The following GTF3C5 variants were observed in gnomAD, a reference collection of about 807,000 sequenced individuals.
GTF3C5 encodes general transcription factor 3C polypeptide 5.
In GTF3C5, 47 loss-of-function variants were observed where a neutral mutation model predicts 61.0. That is an observed-to-expected ratio of 0.77 (90% CI 0.61 to 0.98). The LOEUF is 0.98. GTF3C5 is among the 50% of genes least tolerant of loss of function. GTF3C5 has a pLI of 0.00. For synonymous variants in GTF3C5, 295 were observed against 275.4 expected (o/e 1.07, Z -0.71); for missense variants, 659 against 703.3 (o/e 0.94, Z 0.71).
rs779172567 is a variant in GTF3C5, at chr9:133,056,850, C to T, written c.1335C>T (p.Asp445=). The T allele has an allele frequency of 2.2e-5, 36 of 1,611,988 alleles. No homozygotes were observed. The highest frequency in any genetic ancestry group is 1.1e-4 in the East Asian group (5 of 44,734). Residue 445 remains aspartate (D), a synonymous_variant, in exon 10 of 11, where the codon GAC becomes GAT. Coordinates refer to ENST00000372097, the MANE Select transcript of GTF3C5 (RefSeq NM_012087.4). ...GGTGGTGCCTCCCCAAGACCAGCGA[C>T]GAGCTCAGGGACACCATGTCCCTCA... is the stretch of plus-strand genomic sequence containing the variant. The part of the protein sequence containing the change: ...RDGWCLPKTS[D]ELRDTMSLMI...
chr9:133,048,988 G>A (rs1444938971), intron 3 of GTF3C5, among the ~76,000 whole-genome samples: 1 of 152,216 alleles, frequency 6.6e-6, no homozygotes, highest in Non-Finnish European at 1.5e-5. Flanking sequence ...CCTTCCTGGG[G>A]AGATTGAGCT....
chr9:133,038,543 C>T (rs1316606108), intron 1 of GTF3C5, among the ~76,000 whole-genome samples: 6 of 150,982 alleles, frequency 4.0e-5, no homozygotes, highest in Non-Finnish European at 5.9e-5. Flanking sequence ...CTCCGCCTCC[C>T]GGGTTCAAGC....
At chr9:133,053,787 C>A (rs1829832972) in intron 5 of GTF3C5, 41 bp from the exon 6 acceptor site, 1 of 1,118,168 alleles carries the variant, frequency 8.9e-7, no homozygotes, top group Non-Finnish European at 1.4e-6. Context: ...GGGACCTGGG[C>A]CTTCACCTCA....
At chr9:133,044,025 A>G in intron 3 of GTF3C5, 99 bp downstream of exon 3, 3 of 840,670 alleles carry the variant, frequency 3.6e-6, no homozygotes, top group Admixed American at 4.5e-5. Flanking sequence ...CACACCTGTA[A>G]TTCCAGCTAC....
At position 133,032,043 on chromosome 9, in the gene GTF3C5, C is replaced by T. The variant is rs116989703; in HGVS notation, c.153+879C>T. ...GACATATTGGTTCTTTGAAATGGAA[C>T]TCATAACTCATTGTATTTATTAATT... On this transcript the variant is annotated intron_variant, in intron 1 of 10. Transcript: ENST00000372097. Among the ~76,000 whole-genome samples, 275 of 152,252 alleles carry T rather than the reference C, an allele frequency of 1.8e-3. 2 individuals carry two copies. In the East Asian group the frequency reaches 0.02, roughly 11 times the overall value.
chr9:133,034,394 A>G (rs1286314057), intron 1 of GTF3C5, among the ~76,000 whole-genome samples: 1 of 152,174 alleles, frequency 6.6e-6, no homozygotes, highest in African/African-American at 2.4e-5. Context: ...TGCACGGGGT[A>G]AGAACAAGTG....
At chr9:133,033,740 C>T (rs1849792480) in intron 1 of GTF3C5, among the ~76,000 whole-genome samples, 1 of 152,182 alleles carries the variant, frequency 6.6e-6, no homozygotes, top group South Asian at 2.1e-4. Flanking sequence ...TTCTGGTCTA[C>T]TGTGTGCACA....
chr9:133,051,267 C>A (rs1850364755), intron 4 of GTF3C5, among the ~76,000 whole-genome samples: 1 of 152,266 alleles, frequency 6.6e-6, no homozygotes, highest in Non-Finnish European at 1.5e-5. Flanking sequence ...AGCTCTTATT[C>A]TTCCATTCAC....
chr9:133,047,233 G>A (rs1247831120), intron 3 of GTF3C5, among the ~76,000 whole-genome samples: 2 of 151,970 alleles, frequency 1.3e-5, no homozygotes, highest in Admixed American at 6.5e-5. Flanking sequence ...ACTTTTTCCC[G>A]ATTGTCTCAA....
At chr9:133,037,433 G>T (rs1374326171) in intron 1 of GTF3C5, among the ~76,000 whole-genome samples, 2 of 152,142 alleles carry the variant, frequency 1.3e-5, no homozygotes, top group South Asian at 4.1e-4. Flanking sequence ...CTCAATGATA[G>T]GTTTTAGGCC....
chr9:133,034,000 C>T (rs957687687), intron 1 of GTF3C5, among the ~76,000 whole-genome samples: 10 of 151,984 alleles, frequency 6.6e-5, no homozygotes, highest in Admixed American at 5.9e-4. Context: ...TTTTAACCGC[C>T]GATGGTCCAG....
chr9:133,032,386 A>G (rs1209552692), intron 1 of GTF3C5, among the ~76,000 whole-genome samples: 1 of 152,164 alleles, frequency 6.6e-6, no homozygotes, highest in Non-Finnish European at 1.5e-5. Context: ...TTCGGTGGGA[A>G]GACTAGTTTC....
At chr9:133,037,728 C>T (rs1370591751) in intron 1 of GTF3C5, among the ~76,000 whole-genome samples, 5 of 152,054 alleles carry the variant, frequency 3.3e-5, no homozygotes, top group South Asian at 4.1e-4. Flanking sequence ...GTGGGCTGTT[C>T]GATTTTTATG....
chr9:133,056,383 G>C (rs1218845367), intron 9 of GTF3C5, among the ~76,000 whole-genome samples: 2 of 152,166 alleles, frequency 1.3e-5, no homozygotes, highest in Admixed American at 6.5e-5. Context: ...TCAATCCCAG[G>C]ACCCATCAGA....
At chr9:133,055,761 G>A in intron 8 of GTF3C5, 1 of 1,339,116 alleles carries the variant, frequency 7.5e-7, no homozygotes, top group Non-Finnish European at 9.6e-7. Context: ...CTGCTGCACG[G>A]GCGGGCTCAC....
chr9:133,036,115 C>T (rs1849853528), intron 1 of GTF3C5, among the ~76,000 whole-genome samples: 1 of 152,168 alleles, frequency 6.6e-6, no homozygotes, highest in African/African-American at 2.4e-5. Context: ...CCTTCAGTTA[C>T]CTGGGAAGAG....
At chr9:133,049,838 C>T (rs1564201457) in intron 3 of GTF3C5, among the ~76,000 whole-genome samples, 1 of 151,874 alleles carries the variant, frequency 6.6e-6, no homozygotes, top group Non-Finnish European at 1.5e-5. Flanking sequence ...AGCGATTTCT[C>T]CTATGCCCCC....
At chr9:133,031,195 AAG>A (rs1408174097) in intron 1 of GTF3C5, 31 bp downstream of exon 1, 4 of 1,525,608 alleles carry the variant, frequency 2.6e-6, no homozygotes, top group Admixed American at 4.2e-5. Flanking sequence ...GTGTTGGAAT[AAG>A]AGCTCGGAGT....
chr9:133,055,800 G>T, intron 8 of GTF3C5: 1 of 1,381,970 alleles, frequency 7.2e-7, no homozygotes, highest in Non-Finnish European at 9.4e-7. Flanking sequence ...GAGGGCCTGG[G>T]TGCTCCTCTG....
Sources: gnomAD v4.1 joint callset for allele counts (sites outside exome capture counted in the v4.1 genomes callset) on GRCh38, gnomAD v4.1.1 for gene constraint, MANE v1.5 for transcripts, NCBI Gene and HGNC (gene_info 2026-07-23, HGNC 2026-07-21) for gene names.